Variants in ZNF804B observed in about 807,000 individuals in gnomAD.
ZNF804B encodes the protein zinc finger protein 804B, also known as zinc finger 804B.
A neutral mutation model predicts 101.4 loss-of-function variants in ZNF804B; 80 were observed. That is an observed-to-expected ratio of 0.79 (90% CI 0.66 to 0.95). The LOEUF is 0.95. Among genes scored for constraint, ZNF804B ranks in the 40% least tolerant of loss-of-function variants. ZNF804B has a pLI of 0.00. For synonymous variants in ZNF804B, 622 were observed against 558.8 expected (o/e 1.11, Z -1.59); for missense variants, 1,673 against 1,561.9 (o/e 1.07, Z -1.20).
At chr7:88,864,414 T>C (rs1791696016) in intron 1 of ZNF804B, among the ~76,000 whole-genome samples, 1 of 152,164 alleles carries the variant, frequency 6.6e-6, no homozygotes, top group African/African-American at 2.4e-5. Flanking sequence ...AGATGTACAA[T>C]CTCAGGGCCA....
intron 2 of ZNF804B, among the ~76,000 whole-genome samples, chr7:89,271,677 C>T (rs535511613): frequency 8.5e-4 from 130 of 152,162 alleles, no homozygotes; most frequent in African/African-American, 2.9e-3. Flanking sequence ...TGGTAGAATT[C>T]GGCTGTGAAT....
intron 1 of ZNF804B, among the ~76,000 whole-genome samples, chr7:89,084,012 A>G (rs2116316118): frequency 6.6e-6 from 1 of 152,060 alleles, no homozygotes; most frequent in Middle Eastern, 3.4e-3. Flanking sequence ...CTGGGGATAG[A>G]TGGAATAGGA....
chr7:88,999,635 T>C (rs980645397), intron 1 of ZNF804B, among the ~76,000 whole-genome samples: 28 of 151,984 alleles, frequency 1.8e-4, no homozygotes, highest in African/African-American at 6.8e-4. Flanking sequence ...AAAAAATAAA[T>C]AGTAATTTGA....
chr7:88,856,009 C>T (rs993722789), intron 1 of ZNF804B, among the ~76,000 whole-genome samples: 4 of 152,052 alleles, frequency 2.6e-5, no homozygotes, highest in Non-Finnish European at 2.9e-5. Flanking sequence ...TTACTGTAGC[C>T]TTGTAGTATA....
intron 1 of ZNF804B, among the ~76,000 whole-genome samples, chr7:88,989,692 T>C (rs1793816030): frequency 6.6e-6 from 1 of 152,158 alleles, no homozygotes; most frequent in African/African-American, 2.4e-5. Flanking sequence ...AGATAGCTTA[T>C]AATTTTGCTC....
At chr7:88,905,539 A>G (rs1792456943) in intron 1 of ZNF804B, among the ~76,000 whole-genome samples, 1 of 151,922 alleles carries the variant, frequency 6.6e-6, no homozygotes, top group African/African-American at 2.4e-5. Context: ...TTCTATTTTT[A>G]GTAGAGATGG....
intron 2 of ZNF804B, among the ~76,000 whole-genome samples, chr7:89,298,476 TCTC>T (rs1790427123): frequency 6.6e-6 from 1 of 150,676 alleles, no homozygotes; most frequent in Non-Finnish European, 1.5e-5. Context: ...ACATCTCTGT[TCTC>T]CTCAAAAGTG....
At chr7:89,201,910 G>A (rs891741223) in intron 1 of ZNF804B, among the ~76,000 whole-genome samples, 3 of 151,994 alleles carry the variant, frequency 2.0e-5, no homozygotes, top group Admixed American at 2.0e-4. Context: ...ATTCTGCTTA[G>A]GTATGTACCT....
At chr7:89,058,690 TTTTG>T (rs1295903199) in intron 1 of ZNF804B, among the ~76,000 whole-genome samples, 5 of 151,572 alleles carry the variant, frequency 3.3e-5, no homozygotes, top group South Asian at 4.2e-4. Flanking sequence ...CAGTGAAGGG[TTTTG>T]TTTGTTTGTT....
intron 1 of ZNF804B, among the ~76,000 whole-genome samples, chr7:89,114,880 C>G (rs570109983): frequency 6.6e-6 from 1 of 152,244 alleles, no homozygotes; most frequent in Non-Finnish European, 1.5e-5. Context: ...GATAAATGTT[C>G]TGTGTTGTAG....
chr7:88,778,589 G>C (rs1034042746), intron 1 of ZNF804B, among the ~76,000 whole-genome samples: 2 of 152,074 alleles, frequency 1.3e-5, no homozygotes, highest in Non-Finnish European at 2.9e-5. Context: ...CTTCCCCCTT[G>C]GTTGGGGACA....
At chr7:89,316,368 G>T (rs1323783246) in intron 2 of ZNF804B, among the ~76,000 whole-genome samples, 2 of 152,108 alleles carry the variant, frequency 1.3e-5, no homozygotes, top group African/African-American at 4.8e-5. Context: ...ATCAGGAAAT[G>T]GCAACCTATA....
chr7:88,783,026 C>T (rs1790253201), intron 1 of ZNF804B, among the ~76,000 whole-genome samples: 1 of 152,130 alleles, frequency 6.6e-6, no homozygotes. Context: ...ATTACCTTCC[C>T]TTTATGTGGT....
At chr7:89,154,504 A>G (rs1415400682) in intron 1 of ZNF804B, among the ~76,000 whole-genome samples, 1 of 152,184 alleles carries the variant, frequency 6.6e-6, no homozygotes, top group African/African-American at 2.4e-5. Flanking sequence ...TGTGGTACTT[A>G]CACACAATGG....
At chr7:89,266,629 G>A (rs1411590297) in intron 2 of ZNF804B, among the ~76,000 whole-genome samples, 1 of 152,106 alleles carries the variant, frequency 6.6e-6, no homozygotes, top group Non-Finnish European at 1.5e-5. Flanking sequence ...TCCTAACATT[G>A]ATCTTTCATT....
intron 1 of ZNF804B, among the ~76,000 whole-genome samples, chr7:88,876,544 AC>A (rs1434998500): frequency 3.9e-5 from 6 of 152,062 alleles, no homozygotes; most frequent in Admixed American, 3.9e-4. Flanking sequence ...CCTAGGCCAA[AC>A]TTTTCTTATC....
At chr7:89,108,193 G>T (rs905720992) in intron 1 of ZNF804B, among the ~76,000 whole-genome samples, 12 of 150,746 alleles carry the variant, frequency 8.0e-5, no homozygotes, top group Admixed American at 7.9e-4. Context: ...CTCTTTGTGG[G>T]CATTAGTTAT....
intron 1 of ZNF804B, among the ~76,000 whole-genome samples, chr7:89,090,076 T>C (rs1047641896): frequency 6.6e-6 from 1 of 152,110 alleles, no homozygotes; most frequent in African/African-American, 2.4e-5. Context: ...ACAAAGGATA[T>C]TCTTAGTTTC....
Position 88,968,391 on chromosome 7 carries a change from A to T in ZNF804B, c.108+208307A>T, listed in dbSNP as rs1186715497. On this transcript the variant is annotated intron_variant, in intron 1 of 3. Coordinates refer to ENST00000333190, the MANE Select transcript of ZNF804B (RefSeq NM_181646.5). ...TGTATCATTTTTGCTCTTGTCACTA[A>T]TTTGTATTCTTTTTTCCTTCCTATG... Among the ~76,000 whole-genome samples, 8 of 151,634 alleles carry T rather than the reference A, an allele frequency of 5.3e-5. No individual in the cohort carries two copies. In the East Asian group the frequency reaches 1.6e-3, roughly 30 times the overall value.
Sources: gnomAD v4.1 joint callset for allele counts (sites outside exome capture counted in the v4.1 genomes callset) on GRCh38, gnomAD v4.1.1 for gene constraint, MANE v1.5 for transcripts, NCBI Gene and HGNC (gene_info 2026-07-23, HGNC 2026-07-21) for gene names.